The following SERPINE2 variants were observed in gnomAD, a reference collection of about 807,000 sequenced individuals.
SERPINE2 encodes glia-derived nexin.
In SERPINE2, 14 loss-of-function variants were observed where a neutral mutation model predicts 36.3. The observed-to-expected ratio is 0.39, with a 90% CI of 0.25 to 0.60. The LOEUF (loss-of-function observed/expected upper bound fraction) is 0.60. Among genes scored for constraint, SERPINE2 ranks in the 20% least tolerant of loss-of-function variants. The pLI is 0.57. For missense variants in SERPINE2, 418 were observed against 499.6 expected, an observed-to-expected ratio of 0.84 and a Z score of 1.56; for synonymous variants, 192 against 191.8, an observed-to-expected ratio of 1.00 and a Z score of -0.01.
At chr2:224,034,676 C>T (rs963130618) in intron 1 of SERPINE2, among the ~76,000 whole-genome samples, 5 of 152,164 alleles carry the variant, frequency 3.3e-5, no homozygotes, top group Admixed American at 2.0e-4. Context: ...ACATGTAAAA[C>T]AAGGTTCCCC....
chr2:223,998,985 G>C (rs1691001386), intron 2 of SERPINE2, among the ~76,000 whole-genome samples: 1 of 152,168 alleles, frequency 6.6e-6, no homozygotes, highest in Non-Finnish European at 1.5e-5. Flanking sequence ...CAGTTCTATA[G>C]CCAAGGGGGA....
intron 4 of SERPINE2, 125 bp downstream of exon 4, chr2:223,991,678 C>T: frequency 1.0e-6 from 1 of 988,878 alleles, no homozygotes; most frequent in Non-Finnish European, 1.5e-6. Context: ...TCTCAGCACC[C>T]TGCTCTGTTC....
chr2:224,016,859 A>C (rs556384124), intron 1 of SERPINE2, among the ~76,000 whole-genome samples: 12 of 152,364 alleles, frequency 7.9e-5, no homozygotes, highest in African/African-American at 2.6e-4. Context: ...GCTGAATGGA[A>C]AAGCCTATTT....
At chr2:224,038,403 T>C (rs903430233) in intron 1 of SERPINE2, 8 of 1,139,108 alleles carry the variant, frequency 7.0e-6, no homozygotes, top group African/African-American at 4.6e-5. Flanking sequence ...TCTTATGTAA[T>C]AGAAGCCTTC....
intron 8 of SERPINE2, 115 bp from the exon 9 acceptor site, chr2:223,976,019 T>C (rs1689997076): frequency 3.6e-6 from 3 of 836,106 alleles, no homozygotes; most frequent in Admixed American, 2.5e-5. Flanking sequence ...TCTTGCTCAG[T>C]AGTGTCCAGT....
At chr2:224,019,353 G>A (rs1691910144) in intron 1 of SERPINE2, among the ~76,000 whole-genome samples, 1 of 152,198 alleles carries the variant, frequency 6.6e-6, no homozygotes, top group South Asian at 2.1e-4. Context: ...TGTACTGCAT[G>A]TACCAATTTT....
chr2:224,012,844 T>G (rs7563931), intron 1 of SERPINE2, among the ~76,000 whole-genome samples: 121,543 of 152,052 alleles, frequency 0.8, 49,733 homozygotes, highest in Non-Finnish European at 0.9. Context: ...GAGAAGGTTA[T>G]GGAGCACAAC....
intron 3 of SERPINE2, among the ~76,000 whole-genome samples, chr2:223,995,253 G>A (rs1008029977): frequency 1.4e-4 from 21 of 152,298 alleles, no homozygotes; most frequent in African/African-American, 5.1e-4. Flanking sequence ...TCTCTGTAGG[G>A]AAGGAACTAT....
chr2:224,001,942 A>G lies in SERPINE2; in HGVS notation c.-22-20T>C, dbSNP rs144623797. On this transcript the variant is annotated intron_variant, in intron 1 of 8. Coordinates refer to ENST00000409304, the MANE Select transcript of SERPINE2 (RefSeq NM_001136528.2). ...GACGACCTGGAAAAGTAAGTTAAAA[A>G]ATATTTAAATTATACTTAAATGGGT... The G allele has an allele frequency of 7.4e-3, 11,789 of 1,585,134 alleles. 63 individuals are homozygous for G. Among genetic ancestry groups the G allele is most frequent in the Non-Finnish European group, 9.4e-3 (10,948 of 1,165,392 alleles).
intron 1 of SERPINE2, among the ~76,000 whole-genome samples, chr2:224,010,161 A>G (rs1299105673): frequency 2.0e-5 from 3 of 152,230 alleles, no homozygotes; most frequent in Non-Finnish European, 4.4e-5. Context: ...CAAACAGGAA[A>G]TGCCAACTTA....
chr2:223,996,707 T>C (rs1223185313), intron 3 of SERPINE2, among the ~76,000 whole-genome samples: 1 of 152,162 alleles, frequency 6.6e-6, no homozygotes, highest in Non-Finnish European at 1.5e-5. Context: ...TTAAGAAACA[T>C]AGCCTGAAAG....
At chr2:224,005,281 G>C (rs143242318) in intron 1 of SERPINE2, among the ~76,000 whole-genome samples, 15 of 151,764 alleles carry the variant, frequency 9.9e-5, no homozygotes, top group Non-Finnish European at 1.8e-4. Context: ...TGTTATGGGT[G>C]TTTTTCTGGG....
intron 1 of SERPINE2, among the ~76,000 whole-genome samples, chr2:224,035,291 T>C (rs1235782001): frequency 6.6e-6 from 1 of 152,194 alleles, no homozygotes; most frequent in Non-Finnish European, 1.5e-5. Context: ...GAAAGCAACC[T>C]ACCTCCAGTG....
chr2:224,031,005 T>G (rs566689664), intron 1 of SERPINE2: 1 of 985,414 alleles, frequency 1.0e-6, no homozygotes, highest in South Asian at 4.7e-5. Flanking sequence ...TTCTGTATCA[T>G]GTGTTTTGGT....
intron 2 of SERPINE2, among the ~76,000 whole-genome samples, chr2:224,001,233 C>A (rs1213113991): frequency 6.6e-6 from 1 of 152,196 alleles, no homozygotes; most frequent in Middle Eastern, 3.2e-3. Flanking sequence ...ATGGCTCCAT[C>A]ACTACGAGGC....
intron 7 of SERPINE2, chr2:223,978,784 G>T (rs181219295): frequency 6.6e-6 from 1 of 152,238 alleles, no homozygotes; most frequent in African/African-American, 2.4e-5. Context: ...AATAGCAGGT[G>T]TTATGGACTG....
At chr2:223,998,834 C>T (rs1690997252) in intron 2 of SERPINE2, among the ~76,000 whole-genome samples, 1 of 152,190 alleles carries the variant, frequency 6.6e-6, no homozygotes, top group African/African-American at 2.4e-5. Context: ...AAAGTCTAAC[C>T]ACTGAAGCTC....
chr2:224,038,705 C>A, intron 1 of SERPINE2: 1 of 608,848 alleles, frequency 1.6e-6, no homozygotes, highest in Non-Finnish European at 2.9e-6. Context: ...GTAGGGGTTG[C>A]CGGCGAGCAG....
intron 2 of SERPINE2, 56 bp downstream of exon 2, chr2:224,001,586 C>T: frequency 1.9e-6 from 3 of 1,564,100 alleles, no homozygotes. Context: ...CATAAACCCT[C>T]CTGTCACAAG....
Sources: allele counts gnomAD v4.1 joint callset (sites outside exome capture counted in the v4.1 genomes callset), GRCh38; gene constraint gnomAD v4.1.1; transcripts MANE v1.5; gene names NCBI Gene and HGNC (gene_info 2026-07-23, HGNC 2026-07-21).